The following ERBB4 variants were observed in gnomAD, a reference collection of about 807,000 sequenced individuals.
ERBB4 encodes the protein receptor tyrosine-protein kinase erbB-4.
A neutral mutation model predicts 158.0 loss-of-function variants in ERBB4; 42 were observed. The ratio of observed to expected loss-of-function variants is 0.27; its 90% CI spans 0.21 to 0.34. The LOEUF (loss-of-function observed/expected upper bound fraction) is 0.34, where lower values mean the gene tolerates loss of function less well. ERBB4 is among the 10% of genes least tolerant of loss of function. The probability of loss-of-function intolerance (pLI) is 1.00; values close to 1 mark genes in which losing one functional copy is unlikely to be tolerated. For synonymous variants in ERBB4, 583 were observed against 558.7 expected (o/e 1.04, Z -0.61); for missense variants, 1,333 against 1,624.1 (o/e 0.82, Z 3.08).
intron 25 of ERBB4, among the ~76,000 whole-genome samples, chr2:211,403,876 T>C (rs1462161974): frequency 6.6e-6 from 1 of 152,182 alleles, no homozygotes; most frequent in Non-Finnish European, 1.5e-5. Context: ...TTACCAAAGC[T>C]ATTTTACAAG....
At chr2:211,803,004 G>A (rs576501336) in intron 3 of ERBB4, among the ~76,000 whole-genome samples, 3 of 152,180 alleles carry the variant, frequency 2.0e-5, no homozygotes, top group Non-Finnish European at 4.4e-5. Flanking sequence ...TTGAAAAAAA[G>A]TTGGCACATT....
At chr2:212,042,608 C>G (rs2077167110) in intron 2 of ERBB4, among the ~76,000 whole-genome samples, 1 of 152,064 alleles carries the variant, frequency 6.6e-6, no homozygotes, top group African/African-American at 2.4e-5. Context: ...GACATTTAAT[C>G]TACATAACAT....
intron 20 of ERBB4, among the ~76,000 whole-genome samples, chr2:211,444,694 TAA>T (rs1347030981): frequency 6.6e-6 from 1 of 152,092 alleles, no homozygotes; most frequent in Non-Finnish European, 1.5e-5. Flanking sequence ...TTGAAAAGAA[TAA>T]AGTTTCCTTG....
chr2:211,835,524 T>C lies in ERBB4; in HGVS notation c.422-47365A>G, dbSNP rs13387165. On this transcript the variant is annotated intron_variant, in intron 3 of 27. Coordinates refer to ENST00000342788, the MANE Select transcript of ERBB4 (RefSeq NM_005235.3). ...CTTGATTAATTTTTTTTATTTTGAA[T>C]GGTCCTAAAATTTCATCTTATGATG... is the stretch of plus-strand genomic sequence containing the variant. 6.4e-3 allele frequency among the ~76,000 whole-genome samples: 972 copies of C among 152,240 alleles called. 7 individuals are homozygous for C. The highest frequency in any genetic ancestry group is 0.022 in the African/African-American group (930 of 41,560).
rs115995714 is a variant in ERBB4, at chr2:211,984,387, T to C, written c.235-36771A>G. Among the ~76,000 whole-genome samples the C allele has an allele frequency of 4.2e-3, 637 of 152,286 alleles. 4 individuals carry two copies. Among genetic ancestry groups the C allele is most frequent in the African/African-American group, 0.015 (606 of 41,558 alleles). On this transcript the variant is annotated intron_variant, in intron 2 of 27. Coordinates refer to ENST00000342788, the MANE Select transcript of ERBB4 (RefSeq NM_005235.3). Reference sequence around the variant, plus strand: ...AATAACTAAAAATGAAAAAAGTATCTTTATAATAGCATATTATGCTCTGAA... The same window carrying C: ...AATAACTAAAAATGAAAAAAGTATCCTTATAATAGCATATTATGCTCTGAA...
At chr2:211,647,161 C>A (rs890193086) in intron 16 of ERBB4, among the ~76,000 whole-genome samples, 1 of 151,320 alleles carries the variant, frequency 6.6e-6, no homozygotes, top group African/African-American at 2.4e-5. Context: ...AAGACTAATC[C>A]TTTCATATGT....
intron 2 of ERBB4, among the ~76,000 whole-genome samples, chr2:211,952,783 T>G (rs762831289): frequency 8.3e-4 from 126 of 152,136 alleles, no homozygotes; most frequent in Non-Finnish European, 1.4e-3. Context: ...GAAACCTGTC[T>G]GGCAAATAGT....
intron 2 of ERBB4, among the ~76,000 whole-genome samples, chr2:212,107,050 G>C (rs1266749088): frequency 1.3e-5 from 2 of 152,196 alleles, no homozygotes; most frequent in African/African-American, 2.4e-5. Flanking sequence ...ATTTGGGGTG[G>C]GTGCCCCCAA....
At chr2:211,506,260 A>T (rs1180723242) in intron 20 of ERBB4, among the ~76,000 whole-genome samples, 1 of 152,090 alleles carries the variant, frequency 6.6e-6, no homozygotes, top group Non-Finnish European at 1.5e-5. Flanking sequence ...CAGATTCATA[A>T]AACAAATGCT....
intron 1 of ERBB4, among the ~76,000 whole-genome samples, chr2:212,331,144 A>T (rs985940041): frequency 6.7e-6 from 1 of 148,316 alleles, no homozygotes; most frequent in African/African-American, 2.4e-5. Context: ...ATGGGCATAT[A>T]TAACTTTACG....
At chr2:211,618,157 C>A (rs1048148960) in intron 19 of ERBB4, among the ~76,000 whole-genome samples, 2 of 151,898 alleles carry the variant, frequency 1.3e-5, no homozygotes, top group Admixed American at 1.3e-4. Context: ...GGGGTAATTA[C>A]TTGACTCAGG....
intron 1 of ERBB4, among the ~76,000 whole-genome samples, chr2:212,173,103 A>G (rs574548361): frequency 6.6e-6 from 1 of 152,314 alleles, no homozygotes; most frequent in East Asian, 1.9e-4. Context: ...CTTTATCTAC[A>G]TTAATTTCTT....
At chr2:211,562,179 T>A in intron 19 of ERBB4, 91 bp from the exon 20 acceptor site, 2 of 1,077,454 alleles carry the variant, frequency 1.9e-6, no homozygotes, top group East Asian at 2.4e-5. Flanking sequence ...TGATGATTTT[T>A]AAAAATGTAC....
intron 3 of ERBB4, among the ~76,000 whole-genome samples, chr2:211,846,129 C>A (rs1307169219): frequency 6.6e-6 from 1 of 151,112 alleles, no homozygotes; most frequent in African/African-American, 2.4e-5. Flanking sequence ...AGGGCATTTC[C>A]CTCTAGCAAT....
intron 27 of ERBB4, 79 bp from the exon 28 acceptor site, chr2:211,384,139 G>C (rs2062634948): frequency 1.9e-6 from 2 of 1,048,036 alleles, no homozygotes; most frequent in Non-Finnish European, 2.9e-6. Context: ...ATAATGGTTA[G>C]CTTCTTTGTC....
intron 1 of ERBB4, among the ~76,000 whole-genome samples, chr2:212,423,116 T>C (rs1291671763): frequency 6.6e-6 from 1 of 151,996 alleles, no homozygotes; most frequent in Non-Finnish European, 1.5e-5. Context: ...TGAGTAAAGC[T>C]AGTAACATAA....
rs1007159464 is a variant in ERBB4, at chr2:211,386,713, A to C, written c.3481+140T>G. ...ATGCTGCTGATTCAGGGACCATACT[A>C]CAAGTAGCAGTAGCCTAGGCCTTTA... On this transcript the variant is annotated intron_variant, in intron 27 of 27. Coordinates refer to ENST00000342788, the MANE Select transcript of ERBB4 (RefSeq NM_005235.3). The C allele has an allele frequency of 1.1e-5, 8 of 738,076 alleles. No homozygotes were observed. The African/African-American group carries it at 1.4e-4, about 13-fold the overall frequency. The allele number at this position is 738,076 out of a possible 1,614,324, so 45.7% of individuals were successfully genotyped here.
chr2:212,112,702 T>G (rs2079449475), intron 2 of ERBB4, among the ~76,000 whole-genome samples: 1 of 152,172 alleles, frequency 6.6e-6, no homozygotes, highest in Non-Finnish European at 1.5e-5. Flanking sequence ...TTCATAGGGT[T>G]GTAATAAGGA....
intron 20 of ERBB4, among the ~76,000 whole-genome samples, chr2:211,481,457 T>G (rs527584390): frequency 6.6e-6 from 1 of 151,968 alleles, no homozygotes; most frequent in South Asian, 2.1e-4. Context: ...TATTTGTAAC[T>G]AAAGAAACTG....
Sources: allele counts gnomAD v4.1 joint callset (sites outside exome capture counted in the v4.1 genomes callset), GRCh38; gene constraint gnomAD v4.1.1; transcripts MANE v1.5; gene names NCBI Gene and HGNC (gene_info 2026-07-23, HGNC 2026-07-21).